The following GOLGA3 variants were observed in gnomAD, a reference collection of about 807,000 sequenced individuals.
GOLGA3 encodes the protein golgin subfamily A member 3.
Under a neutral mutation model 169.4 loss-of-function variants are expected in GOLGA3, and 75 were observed. The ratio of observed to expected loss-of-function variants is 0.44; its 90% confidence interval spans 0.37 to 0.54. The LOEUF (loss-of-function observed/expected upper bound fraction) is 0.54, where lower values mean the gene tolerates loss of function less well. Among genes scored for constraint, GOLGA3 ranks in the 20% least tolerant of loss-of-function variants. The probability of loss-of-function intolerance (pLI) is 0.00; values close to 1 mark genes in which losing one functional copy is unlikely to be tolerated. For synonymous variants in GOLGA3, 824 were observed against 822.4 expected, an observed-to-expected ratio of 1.00 and a Z score of -0.03; for missense variants, 1,899 against 1,930.0, an observed-to-expected ratio of 0.98 and a Z score of 0.30.
intron 2 of GOLGA3, among the ~76,000 whole-genome samples, chr12:132,820,427 G>A (rs1235823627): frequency 6.6e-6 from 1 of 152,242 alleles, no homozygotes; most frequent in African/African-American, 2.4e-5. Flanking sequence ...TTGCTCCTGA[G>A]CAGCAGATCT....
chr12:132,805,246 G>A (rs1305822887), intron 6 of GOLGA3, among the ~76,000 whole-genome samples: 1 of 128,602 alleles, frequency 7.8e-6, no homozygotes, highest in Non-Finnish European at 1.6e-5. Flanking sequence ...AGGCCTGACA[G>A]GGGACCCCAA....
rs150603130 is a variant in GOLGA3 at position 132,822,057 on chromosome 12, G to C, written c.72C>G (p.Pro24=). 3.1e-6 allele frequency: 5 copies of C among 1,606,792 alleles called. No individual in the cohort carries two copies. In the South Asian group the frequency reaches 5.5e-5, roughly 18 times the overall value. The change falls in exon 2 of 24, where the codon CCC becomes CCG. Residue 24 remains proline (P), a synonymous_variant. Transcript: ENST00000450791. ...GGCCCGGGGGCTTCAGTGGGGCCTC[G>C]GGGAGAGACGAGGGGCCACTGTGGG... The part of the protein sequence containing the change: ...DRSHSGPSSL[P]EAPLKPPGPL...
At chr12:132,774,726 C>T in intron 22 of GOLGA3, 1 of 429,826 alleles carries the variant, frequency 2.3e-6, no homozygotes. Context: ...CAGATAAGCA[C>T]ACGACGCTAA....
In GOLGA3 at chr12:132,784,243, T is replaced by C; in HGVS notation, c.3188A>G (p.Lys1063Arg). The change falls in exon 16 of 24, where the codon AAG (lysine) becomes AGG (arginine). Residue 1063 changes from lysine to arginine, a missense_variant. Transcript: ENST00000450791. ...AVSHSKTLLE[K>R]ELQEVIALTS... ...CAGCGCTATGACCTCCTGCAGTTCC[T>C]TTTCCAGCAGCGTCTTGCTATGACT... 6.2e-7 allele frequency: 1 copy of C among 1,610,968 alleles called. No individual in the cohort carries two copies. Among genetic ancestry groups the C allele is most frequent in the Non-Finnish European group, 8.5e-7 (1 of 1,179,920 alleles).
rs2044977673 is a variant in GOLGA3, at chr12:132,772,935, G to A, written c.*170C>T. On this transcript the variant is annotated 3_prime_UTR_variant, in exon 24 of 24. Coordinates refer to ENST00000450791, the MANE Select transcript of GOLGA3 (RefSeq NM_001389683.1). ...ATGTGAAAAGCTAATTGTGATCTTC[G>A]AATGTTTTTCTAGTCCTTGGCTCTC... 5.6e-6 allele frequency: 3 copies of A among 536,268 alleles called. No individual in the cohort carries two copies. The highest frequency in any genetic ancestry group is 9.9e-6 in the Non-Finnish European group (3 of 302,478). 33.2% of individuals were successfully genotyped at this position (536,268 alleles called of 1,614,324 possible).
intron 2 of GOLGA3, 70 bp from the exon 3 acceptor site, chr12:132,816,882 G>T: frequency 7.4e-7 from 1 of 1,342,766 alleles, no homozygotes; most frequent in Non-Finnish European, 1.0e-6. Context: ...CAGACATGCA[G>T]CTGGAGTAGG....
chr12:132,798,825 G>C (rs10747084), intron 8 of GOLGA3, among the ~76,000 whole-genome samples: 146,659 of 152,296 alleles, frequency 0.96, 70,865 homozygotes, highest in East Asian at 1. Context: ...AGGTGAGGAG[G>C]CTTATCTTAA....
intron 5 of GOLGA3, 93 bp from the exon 6 acceptor site, chr12:132,807,381 C>T (rs973051891): frequency 1.6e-6 from 1 of 631,904 alleles, no homozygotes; most frequent in African/African-American, 1.8e-5. Flanking sequence ...ACCCCTGCTG[C>T]TCTCTCCCAA....
chr12:132,783,536 C>A (rs891489468), intron 16 of GOLGA3, among the ~76,000 whole-genome samples: 4 of 27,056 alleles, frequency 1.5e-4, no homozygotes, highest in Admixed American at 8.9e-4. Flanking sequence ...TGAGCTGCCA[C>A]CAGCAGCGCT....
intron 18 of GOLGA3, among the ~76,000 whole-genome samples, chr12:132,779,944 C>T (rs1296528209): frequency 6.1e-5 from 8 of 131,294 alleles, no homozygotes; most frequent in Non-Finnish European, 9.4e-5. Context: ...CAGGCACACA[C>T]GCGTATACAG....
chr12:132,771,290 C>T lies in GOLGA3; in HGVS notation c.*1815G>A, dbSNP rs1281463670. ...CATACTGTTTTCTCCACAAAACAGA[C>T]ACCAGACACCGACATGAGCACATCT... On this transcript the variant is annotated 3_prime_UTR_variant, in exon 24 of 24. Transcript: ENST00000450791. The T allele has an allele frequency of 5.2e-5, 8 of 152,598 alleles. No individual in the cohort carries two copies. Among genetic ancestry groups the T allele is most frequent in the Admixed American group, 5.2e-4 (8 of 15,286 alleles). The allele number at this position is 152,598 out of a possible 1,614,324, so 9.5% of individuals were successfully genotyped here.
chr12:132,777,657 G>C lies in GOLGA3; in HGVS notation c.3722+9C>G, dbSNP rs1282562172. ...CATGTTTGAGGGCTGGCGGGGCCCA[G>C]GCACTCACTGAAGGTCGTCGGCCTC... On this transcript the variant is annotated intron_variant, in intron 19 of 23. Coordinates refer to ENST00000450791, the MANE Select transcript of GOLGA3 (RefSeq NM_001389683.1). This position sits in a 1 kb window ranked among gnomAD's most constrained non-coding sequence, Gnocchi z 4.7. 6.2e-7 allele frequency: 1 copy of C among 1,613,602 alleles called. No homozygotes were observed. Among genetic ancestry groups the C allele is most frequent in the Non-Finnish European group, 8.5e-7 (1 of 1,179,860 alleles).
intron 17 of GOLGA3, 40 bp downstream of exon 17, chr12:132,782,256 C>T: frequency 6.5e-7 from 1 of 1,535,290 alleles, no homozygotes; most frequent in Non-Finnish European, 9.0e-7. Flanking sequence ...CCCACCAACT[C>T]TCACACCGTT....
At chr12:132,780,936 C>G (rs201561969) in intron 17 of GOLGA3, 22 bp from the exon 18 acceptor site, 2 of 1,564,960 alleles carry the variant, frequency 1.3e-6, no homozygotes, top group Non-Finnish European at 1.8e-6. Flanking sequence ...TGCAGGAGGA[C>G]AGATAAGGAA....
chr12:132,816,812 C>T lies in GOLGA3; in HGVS notation c.134G>A (p.Cys45Tyr). 6.3e-7 allele frequency: 1 copy of T among 1,588,264 alleles called. No homozygotes were observed. The highest frequency in any genetic ancestry group is 8.6e-7 in the Non-Finnish European group (1 of 1,163,296). ...CGTGGATGCTCTGTTTACCTCGGCA[C>T]CTGGAAAGACAGAGCACGCTGGACC... is the stretch of plus-strand genomic sequence containing the variant. ...VPPDQQDKVQCAEVNRASTEG... is the reference protein window; with the variant it reads ...VPPDQQDKVQYAEVNRASTEG... Residue 45 changes from cysteine to tyrosine, a missense_variant and splice_region_variant, in exon 3 of 24, where the codon TGT becomes TAT. Physicochemically the swap from Cys to Tyr is radical, Grantham distance 194. Coordinates refer to ENST00000450791, the MANE Select transcript of GOLGA3 (RefSeq NM_001389683.1).
intron 6 of GOLGA3, among the ~76,000 whole-genome samples, chr12:132,806,256 G>A (rs1473785356): frequency 6.6e-6 from 1 of 152,204 alleles, no homozygotes. Context: ...ATCCTAAGAG[G>A]ATAAGAAGAC....
At chr12:132,828,968 G>C (rs2136873032), upstream of GOLGA3, 1 of 152,418 alleles carries the variant, frequency 6.6e-6, no homozygotes, top group East Asian at 1.9e-4. Context: ...TCTTCAAGTG[G>C]CCACCCTAGG....
intron 1 of GOLGA3, among the ~76,000 whole-genome samples, chr12:132,824,683 T>C (rs942860405): frequency 1.3e-5 from 2 of 152,206 alleles, no homozygotes; most frequent in African/African-American, 4.8e-5. Context: ...ATCTCATGTT[T>C]GCGTCTATGA....
Position 132,773,213 on chromosome 12 carries a change from C to A in GOLGA3, c.4389G>T (p.Leu1463=). The A allele has an allele frequency of 6.3e-7, 1 of 1,576,116 alleles. No individual in the cohort carries two copies. The highest frequency in any genetic ancestry group is 2.3e-5 in the East Asian group (1 of 42,918). ...VHESLSSWTP[L]EPATASPVPP... ...GCACAGGGCTGGCAGTGGCTGGCTC[C>A]AGCGGCGTCCACGAGGACAGAGACT... Residue 1463 remains leucine (L), a synonymous_variant, in exon 24 of 24, where the codon CTG becomes CTT. Coordinates refer to ENST00000450791, the MANE Select transcript of GOLGA3 (RefSeq NM_001389683.1).
Sources: allele counts gnomAD v4.1 joint callset (sites outside exome capture counted in the v4.1 genomes callset), GRCh38; gene constraint gnomAD v4.1.1; non-coding constraint Gnocchi (gnomAD v3.1); transcripts MANE v1.5; gene names NCBI Gene and HGNC (gene_info 2026-07-23, HGNC 2026-07-21).